The following DNAAF4 variants were observed in gnomAD, a reference collection of about 807,000 sequenced individuals.
DNAAF4 encodes dynein axonemal assembly factor 4.
In DNAAF4, 43 loss-of-function variants were observed where a neutral mutation model predicts 51.8. The observed-to-expected ratio is 0.83, with a 90% CI of 0.65 to 1.07. DNAAF4 has a LOEUF of 1.07. DNAAF4 is among the 50% of genes least tolerant of loss of function. DNAAF4 has a pLI of 0.00. For missense variants in DNAAF4, 581 were observed against 493.0 expected, an observed-to-expected ratio of 1.18 and a Z score of -1.69; for synonymous variants, 194 against 165.6, an observed-to-expected ratio of 1.17 and a Z score of -1.32.
chr15:55,418,877 G>GAA, intron 7 of DNAAF4: 1 of 167,466 alleles, frequency 6.0e-6, no homozygotes, highest in South Asian at 2.0e-4. Context: ...GAGCTGTAAG[G>GAA]AAAAAAAAAT....
chr15:55,427,862 C>T (rs1394294988), downstream of DNAAF4, among the ~76,000 whole-genome samples: 3 of 150,742 alleles, frequency 2.0e-5, no homozygotes, highest in East Asian at 2.0e-4. Context: ...CTCGAACTCC[C>T]GACCTCAGGT....
intron 6 of DNAAF4, chr15:55,442,821 G>C: frequency 2.5e-6 from 4 of 1,612,756 alleles, no homozygotes. Context: ...TGTTGAGATT[G>C]GCAGTCATGA....
chr15:55,482,312 C>T (rs1210897563), intron 4 of DNAAF4, among the ~76,000 whole-genome samples: 1 of 151,926 alleles, frequency 6.6e-6, no homozygotes, highest in East Asian at 1.9e-4. Context: ...TGATGATTCC[C>T]CAAAAAGCTA....
At chr15:55,468,734 A>G (rs1431184625) in intron 4 of DNAAF4, among the ~76,000 whole-genome samples, 1 of 152,248 alleles carries the variant, frequency 6.6e-6, no homozygotes, top group Non-Finnish European at 1.5e-5. Flanking sequence ...TTTAAAATGC[A>G]TAAGACTAAG....
chr15:55,468,756 A>G (rs1296579632), intron 4 of DNAAF4, among the ~76,000 whole-genome samples: 1 of 152,196 alleles, frequency 6.6e-6, no homozygotes, highest in East Asian at 1.9e-4. Flanking sequence ...CTTAATTACC[A>G]AAAATGAGAC....
intron 4 of DNAAF4, 162 bp downstream of exon 4, chr15:55,490,961 A>G (rs899023231): frequency 2.6e-6 from 2 of 777,808 alleles, no homozygotes; most frequent in African/African-American, 3.6e-5. Context: ...CTCAAGAAAA[A>G]AAAAAACACA....
chr15:55,472,969 C>T (rs541271417), intron 4 of DNAAF4, among the ~76,000 whole-genome samples: 18 of 151,592 alleles, frequency 1.2e-4, no homozygotes, highest in Non-Finnish European at 2.4e-4. Context: ...AGTTAGAGAC[C>T]AGCCTGGCCA....
At chr15:55,476,506 C>T (rs2058336921) in intron 4 of DNAAF4, among the ~76,000 whole-genome samples, 2 of 152,044 alleles carry the variant, frequency 1.3e-5, no homozygotes, top group South Asian at 4.1e-4. Context: ...TTCATACCTA[C>T]AAGAAAGAAT....
At position 55,439,580 on chromosome 15, in the gene DNAAF4, C is replaced by T; in HGVS notation, c.785G>A (p.Trp262Ter). 6.2e-7 allele frequency: 1 copy of T among 1,613,010 alleles called. No individual in the cohort carries two copies. The highest frequency in any genetic ancestry group is 1.3e-5 in the African/African-American group (1 of 74,956). The change falls in exon 7 of 10, where the codon TGG becomes TAG. Residue 262 changes from tryptophan to a stop codon, truncating the protein, a stop_gained and splice_region_variant. Coordinates refer to ENST00000321149, the MANE Select transcript of DNAAF4 (RefSeq NM_130810.4). LOFTEE classifies it high-confidence loss of function. ...TCGTGCCTCAGCTTGTTTGTGTAGC[C>T]ACTAGAATGAGAAAGAAGTCTTATG... ...RESQVAEEEE[W>*]LHKQAEARRA...
intron 4 of DNAAF4, among the ~76,000 whole-genome samples, chr15:55,483,259 G>C (rs1261927162): frequency 6.6e-6 from 1 of 151,860 alleles, no homozygotes; most frequent in Non-Finnish European, 1.5e-5. Flanking sequence ...ACCACACCTG[G>C]CTAATTTTTG....
chr15:55,486,966 C>A (rs2058498517), intron 4 of DNAAF4, among the ~76,000 whole-genome samples: 1 of 152,146 alleles, frequency 6.6e-6, no homozygotes, highest in Non-Finnish European at 1.5e-5. Flanking sequence ...CTCCTCCCTG[C>A]AACCTCTTCA....
rs1346731217 is a variant in DNAAF4, at chr15:55,489,049, G to A, written c.405+2074C>T. On this transcript the variant is annotated intron_variant, in intron 4 of 9. Coordinates refer to ENST00000321149, the MANE Select transcript of DNAAF4 (RefSeq NM_130810.4). The stretch of plus-strand genomic sequence containing the variant: ...GCTTGCAGTGAGCTGAGATTGCGCC[G>A]CTGCACTCCAGCCTGGGCGACTAAG... Among the ~76,000 whole-genome samples, 9 of 150,762 alleles carry A rather than the reference G, an allele frequency of 6.0e-5. No individual in the cohort carries two copies. The South Asian group carries it at 1.3e-3, about 21-fold the overall frequency.
chr15:55,460,189 T>C (rs1285584416), intron 5 of DNAAF4, among the ~76,000 whole-genome samples: 2 of 148,724 alleles, frequency 1.3e-5, no homozygotes, highest in Non-Finnish European at 3.0e-5. Flanking sequence ...ATTTATTTAT[T>C]TTTTTTTTTG....
At chr15:55,431,661 G>A (rs778500363) in intron 9 of DNAAF4, among the ~76,000 whole-genome samples, 1 of 151,876 alleles carries the variant, frequency 6.6e-6, no homozygotes, top group Non-Finnish European at 1.5e-5. Flanking sequence ...TGTATTTTTA[G>A]TAGAGACGGG....
chr15:55,428,720 C>A (rs544297870), downstream of DNAAF4, among the ~76,000 whole-genome samples: 1 of 150,964 alleles, frequency 6.6e-6, no homozygotes, highest in South Asian at 2.1e-4. Context: ...TAGTCTCGAT[C>A]TCCTGACCTT....
chr15:55,501,132 C>T (rs899764367), intron 1 of DNAAF4, among the ~76,000 whole-genome samples: 3 of 151,400 alleles, frequency 2.0e-5, no homozygotes, highest in Non-Finnish European at 2.9e-5. Context: ...GGCGCGATCT[C>T]GGCTCACTGC....
chr15:55,460,331 C>T (rs1382967401), intron 5 of DNAAF4, among the ~76,000 whole-genome samples: 1 of 151,988 alleles, frequency 6.6e-6, no homozygotes, highest in Non-Finnish European at 1.5e-5. Context: ...AGGTGCGTGC[C>T]AGCACGCCCG....
chr15:55,422,365 A>G (rs983083789), intron 7 of DNAAF4, among the ~76,000 whole-genome samples: 8 of 152,198 alleles, frequency 5.3e-5, no homozygotes, highest in African/African-American at 1.9e-4. Context: ...TCAAGGGAGT[A>G]GCCCAAATTG....
At chr15:55,445,930 G>A (rs184946170) in intron 6 of DNAAF4, among the ~76,000 whole-genome samples, 10,270 of 120,294 alleles carry the variant, frequency 0.085, 436 homozygotes, top group East Asian at 0.19. Flanking sequence ...CGGGGCGGCC[G>A]AGCAGAGGCG....
Sources: allele counts gnomAD v4.1 joint callset (sites outside exome capture counted in the v4.1 genomes callset), GRCh38; gene constraint gnomAD v4.1.1; transcripts MANE v1.5; gene names NCBI Gene and HGNC (gene_info 2026-07-23, HGNC 2026-07-21).